The following SAMD5 variants were observed in gnomAD, a reference collection of about 807,000 sequenced individuals.
SAMD5 encodes the protein sterile alpha motif domain-containing protein 5.
SAMD5 carries 13 observed loss-of-function variants against 11.3 expected under a neutral mutation model. The observed-to-expected ratio is 1.15, with a 90% CI of 0.75 to 1.83. SAMD5 has a LOEUF of 1.83. SAMD5 is among the 40% of genes most tolerant of loss of function. The pLI is 0.00. For synonymous variants in SAMD5, 129 were observed against 111.3 expected (o/e 1.16, Z -1.00); for missense variants, 255 against 239.1 (o/e 1.07, Z -0.44).
the SAMD5 span, among the ~76,000 whole-genome samples, chr6:147,893,238 G>A: frequency 0.13 from 19,774 of 151,808 alleles, 1,574 homozygotes; most frequent in East Asian, 0.31. Context: ...ATGTGTCAGG[G>A]ACTCTGATTA....
At chr6:147,659,445 A>G (rs1328188388) in intron 1 of SAMD5, among the ~76,000 whole-genome samples, 1 of 152,146 alleles carries the variant, frequency 6.6e-6, no homozygotes, top group Non-Finnish European at 1.5e-5. Context: ...TTGTATTGGT[A>G]TTTGTATTCT....
At chr6:147,624,542 G>A (rs1423720479) in intron 1 of SAMD5, among the ~76,000 whole-genome samples, 1 of 152,362 alleles carries the variant, frequency 6.6e-6, no homozygotes, top group East Asian at 1.9e-4. Flanking sequence ...ATCCCATCCA[G>A]GTTGCTGAGA....
chr6:147,656,060 AG>A (rs1790561715), intron 1 of SAMD5, among the ~76,000 whole-genome samples: 1 of 152,200 alleles, frequency 6.6e-6, no homozygotes, highest in Admixed American at 6.5e-5. Context: ...TATAAAATAA[AG>A]GTAGTATTTA....
At chr6:147,883,127 G>A in the SAMD5 span, among the ~76,000 whole-genome samples, 1 of 152,172 alleles carries the variant, frequency 6.6e-6, no homozygotes, top group South Asian at 2.1e-4. Flanking sequence ...TCTGTGCAGA[G>A]GATCATTTTA....
At chr6:147,858,045 T>G in the SAMD5 span, among the ~76,000 whole-genome samples, 4,181 of 152,308 alleles carry the variant, frequency 0.027, 81 homozygotes, top group Non-Finnish European at 0.032. Flanking sequence ...GAGGCATTTT[T>G]GTGGCTGCCG....
At chr6:147,922,255 A>G in the SAMD5 span, among the ~76,000 whole-genome samples, 2 of 152,116 alleles carry the variant, frequency 1.3e-5, no homozygotes, top group Non-Finnish European at 2.9e-5. Flanking sequence ...CCGTGAGCAA[A>G]CCGATTTCCA....
At chr6:147,656,899 C>T (rs945523548) in intron 1 of SAMD5, among the ~76,000 whole-genome samples, 3 of 149,062 alleles carry the variant, frequency 2.0e-5, no homozygotes, top group Non-Finnish European at 3.0e-5. Flanking sequence ...ATACAGTATA[C>T]GTGTGTGTGT....
chr6:147,658,857 T>C (rs977540878), intron 1 of SAMD5, among the ~76,000 whole-genome samples: 2 of 152,224 alleles, frequency 1.3e-5, no homozygotes, highest in African/African-American at 4.8e-5. Context: ...GGACACATTG[T>C]GCTAAACCCT....
chr6:147,950,395 G>A, the SAMD5 span, among the ~76,000 whole-genome samples: 1 of 152,190 alleles, frequency 6.6e-6, no homozygotes, highest in Non-Finnish European at 1.5e-5. Flanking sequence ...TGGTTCACAT[G>A]TGTGCACTAG....
At chr6:147,562,041 T>C (rs1788958830) in intron 1 of SAMD5, among the ~76,000 whole-genome samples, 1 of 152,222 alleles carries the variant, frequency 6.6e-6, no homozygotes, top group African/African-American at 2.4e-5. Context: ...ACTTGTTTAA[T>C]GAATGTGATT....
the SAMD5 span, among the ~76,000 whole-genome samples, chr6:147,752,150 A>C: frequency 4.6e-5 from 7 of 152,212 alleles, no homozygotes; most frequent in Admixed American, 4.6e-4. Context: ...AAAATGGAAG[A>C]TATAAGCATC....
At chr6:147,899,678 T>C in the SAMD5 span, among the ~76,000 whole-genome samples, 1 of 152,198 alleles carries the variant, frequency 6.6e-6, no homozygotes, top group African/African-American at 2.4e-5. Flanking sequence ...TCTGTAGGCA[T>C]TTGAGTTGTG....
At chr6:147,944,246 C>A in the SAMD5 span, among the ~76,000 whole-genome samples, 4 of 152,164 alleles carry the variant, frequency 2.6e-5, no homozygotes, top group Non-Finnish European at 5.9e-5. Context: ...CTTTTTCATG[C>A]TGCTGATACA....
chr6:147,829,006 CA>C, the SAMD5 span, among the ~76,000 whole-genome samples: 2 of 152,280 alleles, frequency 1.3e-5, no homozygotes, highest in Admixed American at 6.5e-5. Context: ...GAGCTACGAT[CA>C]AAGTCTAAAA....
chr6:147,737,302 C>T, intron 1 of SAMD5: 1 of 1,201,850 alleles, frequency 8.3e-7, no homozygotes. Context: ...TTCATTTCCT[C>T]TTTTTATGCT....
At chr6:147,654,736 A>G (rs942922505) in intron 1 of SAMD5, among the ~76,000 whole-genome samples, 4 of 151,290 alleles carry the variant, frequency 2.6e-5, no homozygotes, top group African/African-American at 9.7e-5. Flanking sequence ...CAGCTTTTCT[A>G]TTAGAATGAT....
intron 1 of SAMD5, among the ~76,000 whole-genome samples, chr6:147,511,446 T>C (rs1221829125): frequency 6.6e-6 from 1 of 152,250 alleles, no homozygotes; most frequent in Non-Finnish European, 1.5e-5. Context: ...TTACTTTCCA[T>C]GTAAATAATT....
At chr6:147,898,898 T>TGGCC in the SAMD5 span, among the ~76,000 whole-genome samples, 1 of 151,976 alleles carries the variant, frequency 6.6e-6, no homozygotes, top group Non-Finnish European at 1.5e-5. Context: ...TAACATGTGT[T>TGGCC]GGCCGGGCGT....
intron 1 of SAMD5, among the ~76,000 whole-genome samples, chr6:147,654,082 A>G (rs1790531623): frequency 6.6e-6 from 1 of 152,180 alleles, no homozygotes; most frequent in African/African-American, 2.4e-5. Flanking sequence ...TTATTTTGTT[A>G]GCATTTACAA....
Sources: allele counts gnomAD v4.1 joint callset (sites outside exome capture counted in the v4.1 genomes callset), GRCh38; gene constraint gnomAD v4.1.1; transcripts MANE v1.5; gene names NCBI Gene and HGNC (gene_info 2026-07-23, HGNC 2026-07-21).